Variants in CMIP observed in about 807,000 individuals in gnomAD.
The protein encoded by CMIP is c-Maf inducing protein.
A neutral mutation model predicts 97.3 loss-of-function variants in CMIP; 13 were observed. That is an observed-to-expected ratio of 0.13 (90% confidence interval 0.09 to 0.21). The LOEUF (loss-of-function observed/expected upper bound fraction) is 0.21, where lower values mean the gene tolerates loss of function less well. CMIP is among the 10% of genes least tolerant of loss of function. The probability of loss-of-function intolerance (pLI) is 1.00; values close to 1 mark genes in which losing one functional copy is unlikely to be tolerated. For synonymous variants in CMIP, 538 were observed against 436.3 expected (o/e 1.23, Z -2.91); for missense variants, 847 against 1,024.9 (o/e 0.83, Z 2.37).
At chr16:81,575,539 T>C (rs2091174043) in intron 1 of CMIP, among the ~76,000 whole-genome samples, 2 of 152,136 alleles carry the variant, frequency 1.3e-5, no homozygotes, top group Admixed American at 1.3e-4. Flanking sequence ...GCTGACTTCA[T>C]CCATTAGTGC....
chr16:81,692,261 G>A (rs574432468), intron 11 of CMIP, among the ~76,000 whole-genome samples: 15 of 152,326 alleles, frequency 9.8e-5, no homozygotes, highest in South Asian at 4.1e-4. Context: ...TCGCTGTGCC[G>A]TACTGAGATG....
At chr16:81,562,469 A>G (rs1470127424) in intron 1 of CMIP, among the ~76,000 whole-genome samples, 2 of 152,258 alleles carry the variant, frequency 1.3e-5, no homozygotes, top group East Asian at 1.9e-4. Flanking sequence ...GCTAACTTGC[A>G]GTGCTGGCAG....
chr16:81,565,418 C>T (rs2090961925), intron 1 of CMIP, among the ~76,000 whole-genome samples: 1 of 152,222 alleles, frequency 6.6e-6, no homozygotes, highest in African/African-American at 2.4e-5. Context: ...CCCTGCTCCT[C>T]TCTGCACTCC....
intron 1 of CMIP, among the ~76,000 whole-genome samples, chr16:81,525,977 CGTGTGTGTGTGTGTGTGTGTGTGTGT>C (rs57103908): frequency 6.7e-6 from 1 of 149,952 alleles, no homozygotes; most frequent in Admixed American, 6.6e-5. Flanking sequence ...ACTAATAATA[CGTGTGTGTGTGTGTGTGTGTGTGTGT>C]GTGTCTGTGT....
At chr16:81,646,291 G>A (rs944165763) in intron 3 of CMIP, among the ~76,000 whole-genome samples, 7 of 151,886 alleles carry the variant, frequency 4.6e-5, no homozygotes, top group African/African-American at 1.5e-4. Flanking sequence ...TGGGTGGTTG[G>A]GCAGATGGAT....
chr16:81,504,140 A>G (rs1240796386), intron 1 of CMIP, among the ~76,000 whole-genome samples: 1 of 152,180 alleles, frequency 6.6e-6, no homozygotes, highest in African/African-American at 2.4e-5. Context: ...AGCCTGGCCC[A>G]CATGGTGAAA....
At chr16:81,644,087 G>A (rs2092336312) in intron 3 of CMIP, among the ~76,000 whole-genome samples, 1 of 152,194 alleles carries the variant, frequency 6.6e-6, no homozygotes, top group Non-Finnish European at 1.5e-5. Flanking sequence ...GCCCTGACCT[G>A]TAATGAAAAC....
chr16:81,563,740 T>C lies in CMIP; in HGVS notation c.301-43827T>C, dbSNP rs559556162. On this transcript the variant is annotated intron_variant, in intron 1 of 20. Coordinates refer to ENST00000537098, the MANE Select transcript of CMIP (RefSeq NM_198390.3). ...GTCTCTCCTAGACTCTTAGCTATTATTATGGGGCTTCATGGTGCAGAGGTG... is the reference window on the plus strand; with the variant it reads ...GTCTCTCCTAGACTCTTAGCTATTACTATGGGGCTTCATGGTGCAGAGGTG... Among the ~76,000 whole-genome samples the C allele has an allele frequency of 3.3e-5, 5 of 152,324 alleles. No homozygotes were observed. In the South Asian group the frequency reaches 8.3e-4, roughly 25 times the overall value.
In CMIP at chr16:81,513,618, C is replaced by G. The variant is rs964325116; in HGVS notation, c.300+68077C>G. Among the ~76,000 whole-genome samples the G allele has an allele frequency of 7.9e-5, 12 of 152,202 alleles. No individual in the cohort carries two copies. In the South Asian group the frequency reaches 8.3e-4, roughly 10 times the overall value. On this transcript the variant is annotated intron_variant, in intron 1 of 20. Transcript: ENST00000537098. ...TGAGGGTGCTGACTTGGGAACCCCCCGGTCCGTTCTGGCCTGGCTGCTGTG... is the reference window on the plus strand; with the variant it reads ...TGAGGGTGCTGACTTGGGAACCCCCGGGTCCGTTCTGGCCTGGCTGCTGTG...
chr16:81,527,248 G>C (rs1375608161), intron 1 of CMIP, among the ~76,000 whole-genome samples: 1 of 152,200 alleles, frequency 6.6e-6, no homozygotes, highest in Non-Finnish European at 1.5e-5. Flanking sequence ...AGCCCACGGT[G>C]GGGGAGGTTG....
intron 10 of CMIP, among the ~76,000 whole-genome samples, chr16:81,688,426 C>T (rs571743205): frequency 6.6e-6 from 1 of 152,220 alleles, no homozygotes; most frequent in Admixed American, 6.5e-5. Flanking sequence ...GCTCTGCTGT[C>T]ACAGAAGCCT....
At chr16:81,599,254 C>G (rs2091617804) in intron 1 of CMIP, among the ~76,000 whole-genome samples, 1 of 152,082 alleles carries the variant, frequency 6.6e-6, no homozygotes, top group East Asian at 1.9e-4. Context: ...GGTCATATTA[C>G]CTGAGGGAAA....
At chr16:81,476,358 G>T (rs140820823) in intron 1 of CMIP, 1 of 1,346,282 alleles carries the variant, frequency 7.4e-7, no homozygotes. Context: ...GAATGTTCCT[G>T]TGAAAGCAGG....
At chr16:81,668,082 G>A (rs1488621682) in intron 7 of CMIP, among the ~76,000 whole-genome samples, 2 of 152,212 alleles carry the variant, frequency 1.3e-5, no homozygotes, top group East Asian at 1.9e-4. Context: ...TGCCAGCTTC[G>A]GGGTCAGTTA....
At chr16:81,604,882 A>C (rs983490637) in intron 1 of CMIP, among the ~76,000 whole-genome samples, 1 of 152,206 alleles carries the variant, frequency 6.6e-6, no homozygotes, top group African/African-American at 2.4e-5. Context: ...AACACGGATG[A>C]AAGTTGCCTT....
intron 10 of CMIP, among the ~76,000 whole-genome samples, chr16:81,679,169 G>C (rs900566856): frequency 6.6e-6 from 1 of 152,154 alleles, no homozygotes; most frequent in Admixed American, 6.5e-5. Flanking sequence ...GGTGGATGTG[G>C]GTGCGACAGC....
At chr16:81,608,613 C>G (rs778955249) in intron 2 of CMIP, among the ~76,000 whole-genome samples, 3 of 152,116 alleles carry the variant, frequency 2.0e-5, no homozygotes, top group Non-Finnish European at 4.4e-5. Flanking sequence ...TCAGGCAAGG[C>G]CCAGGTCTCG....
At chr16:81,456,611 C>G (rs1438820483) in intron 1 of CMIP, among the ~76,000 whole-genome samples, 1 of 152,222 alleles carries the variant, frequency 6.6e-6, no homozygotes, top group Non-Finnish European at 1.5e-5. Flanking sequence ...TCATTGTCCC[C>G]CTTATACAGA....
intron 3 of CMIP, among the ~76,000 whole-genome samples, chr16:81,643,307 A>G (rs144207298): frequency 2.0e-5 from 3 of 152,330 alleles, no homozygotes; most frequent in Middle Eastern, 3.4e-3. Flanking sequence ...GATTCCATTT[A>G]TATGCAATGT....
Sources: gnomAD v4.1 joint callset for allele counts (sites outside exome capture counted in the v4.1 genomes callset) on GRCh38, gnomAD v4.1.1 for gene constraint, MANE v1.5 for transcripts, NCBI Gene and HGNC (gene_info 2026-07-23, HGNC 2026-07-21) for gene names.